PLD5: variants seen among roughly 807,000 people sequenced by gnomAD.
The protein encoded by PLD5 is phospholipase D family member 5.
In PLD5, 36 loss-of-function variants were observed where a neutral mutation model predicts 61.1. The observed-to-expected ratio is 0.59, with a 90% CI of 0.45 to 0.78. PLD5 has a LOEUF of 0.78. Ranked by LOEUF, PLD5 falls within the 30% of genes least tolerant of loss-of-function variation. The pLI is 0.00. For missense variants in PLD5, 515 were observed against 644.4 expected (o/e 0.80, Z 2.17); for synonymous variants, 243 against 242.8 (o/e 1.00, Z -0.01).
intron 1 of PLD5, among the ~76,000 whole-genome samples, chr1:242,392,612 A>G (rs1015613427): frequency 6.6e-6 from 1 of 152,152 alleles, no homozygotes; most frequent in African/African-American, 2.4e-5. Context: ...TGGATGGGAC[A>G]AGGCTGATGG....
intron 1 of PLD5, among the ~76,000 whole-genome samples, chr1:242,506,594 A>C (rs1157267553): frequency 6.6e-6 from 1 of 152,236 alleles, no homozygotes; most frequent in African/African-American, 2.4e-5. Context: ...ACAGTGAGAA[A>C]GACACATTTC....
chr1:242,363,887 C>A (rs1661202599), intron 1 of PLD5, among the ~76,000 whole-genome samples: 1 of 152,178 alleles, frequency 6.6e-6, no homozygotes, highest in Non-Finnish European at 1.5e-5. Context: ...GATTAATGAA[C>A]TCCAGGAAAA....
chr1:242,099,602 G>T (rs564891785), intron 9 of PLD5, among the ~76,000 whole-genome samples: 8 of 152,276 alleles, frequency 5.3e-5, no homozygotes. Flanking sequence ...GCCAGACCCG[G>T]CTCCTTCCCC....
At chr1:242,181,956 C>T (rs1161944258) in intron 5 of PLD5, among the ~76,000 whole-genome samples, 2 of 152,198 alleles carry the variant, frequency 1.3e-5, no homozygotes, top group African/African-American at 2.4e-5. Flanking sequence ...TGGTCCTTCA[C>T]TGTAGAAAAG....
At chr1:242,144,995 T>C (rs1330798060) in intron 5 of PLD5, among the ~76,000 whole-genome samples, 1 of 152,224 alleles carries the variant, frequency 6.6e-6, no homozygotes, top group East Asian at 1.9e-4. Context: ...AAGTTTTCTA[T>C]GTATTAACTC....
chr1:242,200,168 C>T (rs1479060557), intron 5 of PLD5, among the ~76,000 whole-genome samples: 1 of 152,196 alleles, frequency 6.6e-6, no homozygotes, highest in Non-Finnish European at 1.5e-5. Flanking sequence ...GGCCGGGGGC[C>T]TCTGGAGCTT....
rs374625024 is a variant in PLD5 at position 242,427,010 on chromosome 1, A to T, written c.190-78768T>A. ...CCTTGGAAGCAACACATTGAAGGAC[A>T]CAAAGCCAAAGATGGAAGGAGCCTA... On this transcript the variant is annotated intron_variant, in intron 1 of 9. Transcript: ENST00000536534. 5.4e-4 allele frequency among the ~76,000 whole-genome samples: 83 copies of T among 152,322 alleles called. 4 individuals carry two copies. The South Asian group carries it at 0.017, about 31-fold the overall frequency.
chr1:242,465,071 T>C (rs1007669266), intron 1 of PLD5, among the ~76,000 whole-genome samples: 1 of 152,136 alleles, frequency 6.6e-6, no homozygotes, highest in African/African-American at 2.4e-5. Context: ...TAGAACTAAA[T>C]AGAAGTGATC....
At chr1:242,243,414 G>A (rs982378766) in intron 4 of PLD5, among the ~76,000 whole-genome samples, 5 of 152,186 alleles carry the variant, frequency 3.3e-5, no homozygotes, top group Non-Finnish European at 7.3e-5. Context: ...TATATCCTGG[G>A]AAGAGCTTAG....
intron 5 of PLD5, among the ~76,000 whole-genome samples, chr1:242,151,009 TA>T (rs1664888096): frequency 6.6e-6 from 1 of 151,946 alleles, no homozygotes; most frequent in African/African-American, 2.4e-5. Flanking sequence ...CTTTACAATA[TA>T]GATTTTTAAT....
rs376418869 is a variant in PLD5, at chr1:242,090,123, A to G, written c.1355-13T>C. The G allele has an allele frequency of 1.2e-5, 20 of 1,613,298 alleles. No individual in the cohort carries two copies. Among genetic ancestry groups the G allele is most frequent in the Non-Finnish European group, 1.7e-5 (20 of 1,179,372 alleles). ...CAATCAAAATTTCCTGCAAACAAAC[A>G]AAGAAATAATGTTGAGGAGTTAGAG... On this transcript the variant is annotated splice_polypyrimidine_tract_variant and intron_variant, in intron 9 of 9. Coordinates refer to ENST00000536534, the MANE Select transcript of PLD5 (RefSeq NM_001372062.1).
At chr1:242,457,892 A>G (rs534309703) in intron 1 of PLD5, among the ~76,000 whole-genome samples, 1 of 152,268 alleles carries the variant, frequency 6.6e-6, no homozygotes, top group East Asian at 1.9e-4. Context: ...GGACGCTCCT[A>G]TCGAGGTCTA....
intron 5 of PLD5, among the ~76,000 whole-genome samples, chr1:242,125,311 A>G (rs1239488907): frequency 6.6e-6 from 1 of 152,214 alleles, no homozygotes; most frequent in Non-Finnish European, 1.5e-5. Flanking sequence ...CACAAGCCTT[A>G]AGAGTAATAG....
chr1:242,146,138 A>T (rs541158968), intron 5 of PLD5, among the ~76,000 whole-genome samples: 1 of 152,218 alleles, frequency 6.6e-6, no homozygotes, highest in Non-Finnish European at 1.5e-5. Context: ...TTGCTTACCA[A>T]GCTCAAGAGT....
chr1:242,521,238 A>G (rs1008115773), intron 1 of PLD5, among the ~76,000 whole-genome samples: 31 of 152,222 alleles, frequency 2.0e-4, no homozygotes, highest in Admixed American at 1.8e-3. Flanking sequence ...AGTGACAGGA[A>G]CCATATTTAA....
intron 5 of PLD5, among the ~76,000 whole-genome samples, chr1:242,198,533 C>T (rs1359197549): frequency 6.6e-6 from 1 of 150,988 alleles, no homozygotes; most frequent in Non-Finnish European, 1.5e-5. Flanking sequence ...TAGAACAAAA[C>T]AAAAAATATT....
chr1:242,430,430 C>T (rs913238632), intron 1 of PLD5, among the ~76,000 whole-genome samples: 5 of 152,140 alleles, frequency 3.3e-5, no homozygotes, highest in African/African-American at 9.7e-5. Context: ...GGGCCCCACC[C>T]TCATGACATC....
At position 242,083,033 on chromosome 1, in the gene PLD5, A is replaced by G. The variant is rs1041565777; in HGVS notation, c.*6821T>C. Reference sequence around the variant, plus strand: ...ATGTCAATACATAAGAAAGGAAGAAAAAAAAAAAGCAACCCAGGAACTACA... The same window carrying G: ...ATGTCAATACATAAGAAAGGAAGAAGAAAAAAAAGCAACCCAGGAACTACA... On this transcript the variant is annotated 3_prime_UTR_variant, in exon 10 of 10. Coordinates refer to ENST00000536534, the MANE Select transcript of PLD5 (RefSeq NM_001372062.1). 6.6e-6 allele frequency: 1 copy of G among 152,060 alleles called. No homozygotes were observed. The highest frequency in any genetic ancestry group is 1.5e-5 in the Non-Finnish European group (1 of 67,992). The allele number at this position is 152,060 out of a possible 1,614,324, so 9.4% of individuals were successfully genotyped here.
chr1:242,451,358 G>A (rs1333860792), intron 1 of PLD5, among the ~76,000 whole-genome samples: 1 of 150,936 alleles, frequency 6.6e-6, no homozygotes, highest in Admixed American at 6.6e-5. Context: ...ATCATACATT[G>A]TCTTCAGACA....
Sources: gnomAD v4.1 joint callset for allele counts (sites outside exome capture counted in the v4.1 genomes callset) on GRCh38, gnomAD v4.1.1 for gene constraint, MANE v1.5 for transcripts, NCBI Gene and HGNC (gene_info 2026-07-23, HGNC 2026-07-21) for gene names.